The following CPNE7 variants were observed in gnomAD, a reference collection of about 807,000 sequenced individuals.
CPNE7 encodes the protein copine-7.
In CPNE7, 78 loss-of-function variants were observed where a neutral mutation model predicts 66.5. The ratio of observed to expected loss-of-function variants is 1.17; its 90% CI spans 0.98 to 1.42. CPNE7 has a LOEUF of 1.42. CPNE7 is among the 40% of genes most tolerant of loss of function. CPNE7 has a pLI of 0.00. For synonymous variants in CPNE7, 468 were observed against 336.7 expected (o/e 1.39, Z -4.27); for missense variants, 1,012 against 776.6 (o/e 1.30, Z -3.60).
chr16:89,592,975 G>C (rs547106852), intron 13 of CPNE7, among the ~76,000 whole-genome samples: 203 of 150,710 alleles, frequency 1.3e-3, no homozygotes, highest in African/African-American at 4.7e-3. Context: ...ACCATACCCG[G>C]CTAATTTTTA....
At chr16:89,577,796 A>G (rs542878705) in intron 2 of CPNE7, 75 bp downstream of exon 2, 1 of 1,472,386 alleles carries the variant, frequency 6.8e-7, no homozygotes, top group East Asian at 2.5e-5. Context: ...CTGATGTACC[A>G]GCACCGCAGG....
chr16:89,579,429 A>G (rs2058912360), intron 2 of CPNE7, among the ~76,000 whole-genome samples: 1 of 151,874 alleles, frequency 6.6e-6, no homozygotes, highest in Admixed American at 6.6e-5. Flanking sequence ...GTCACACAGA[A>G]CATCCCTTCA....
At position 89,595,746 on chromosome 16, in the gene CPNE7, C is replaced by G. The variant is rs541077164; in HGVS notation, c.1539+143C>G. On this transcript the variant is annotated intron_variant, in intron 14 of 14. Transcript: ENST00000319518. Reference sequence around the variant, plus strand: ...CTGGGGGATCCTGGGCTGTTCCCCCCAGTCAAGAGCAGTATCTGAAGCCAG... The same window carrying G: ...CTGGGGGATCCTGGGCTGTTCCCCCGAGTCAAGAGCAGTATCTGAAGCCAG... 5.1e-6 allele frequency: 4 copies of G among 778,038 alleles called. No individual in the cohort carries two copies. The Admixed American group carries it at 5.6e-5, about 11-fold the overall frequency. The allele number at this position is 778,038 out of a possible 1,614,324, so 48.2% of individuals were successfully genotyped here.
chr16:89,593,437 C>G (rs1270523320), intron 13 of CPNE7, among the ~76,000 whole-genome samples: 1 of 151,582 alleles, frequency 6.6e-6, no homozygotes, highest in Non-Finnish European at 1.5e-5. Context: ...ACTGCAAGCT[C>G]CGCCTCCCGG....
In CPNE7 at chr16:89,577,707, T is replaced by C. The variant is rs1187955166; in HGVS notation, c.343T>C (p.Cys115Arg). ...QEDDFLGGME[C>R]TLGQIVAQKK... ...GGACGATTTCCTGGGGGGCATGGAG[T>C]GCACCCTGGGGCAGGTGGGTGCCCC... is the stretch of plus-strand genomic sequence containing the variant. The change falls in exon 2 of 15, where the codon TGC becomes CGC. Residue 115 changes from cysteine to arginine, a missense_variant. Transcript: ENST00000319518. 15 of 1,595,930 alleles carry C rather than the reference T, an allele frequency of 9.4e-6. No individual in the cohort carries two copies. In the Admixed American group the frequency reaches 1.2e-4, roughly 13 times the overall value.
In CPNE7 at chr16:89,586,690, C is replaced by T. The variant is rs775963487; in HGVS notation, c.801C>T (p.Asn267=). The change falls in exon 8 of 15, where the codon AAC becomes AAT. Residue 267 remains asparagine, a synonymous_variant. Transcript: ENST00000319518. ...CCCAGGCCCAGTGGGACTGTGTGAA[C>T]CCCAAATACAAGCAGAAGAGACGCA... ...EEGQAQWDCV[N]PKYKQKRRSY... The T allele has an allele frequency of 6.2e-7, 1 of 1,612,646 alleles. No individual in the cohort carries two copies. Among genetic ancestry groups the T allele is most frequent in the Non-Finnish European group, 8.5e-7 (1 of 1,179,596 alleles).
At chr16:89,582,915 G>C (rs1177522926) in intron 2 of CPNE7, among the ~76,000 whole-genome samples, 1 of 152,248 alleles carries the variant, frequency 6.6e-6, no homozygotes, top group Non-Finnish European at 1.5e-5. Flanking sequence ...CGCTTGGCCG[G>C]GGTCATCACC....
At chr16:89,589,447 C>T (rs1334165502) in intron 10 of CPNE7, among the ~76,000 whole-genome samples, 1 of 152,178 alleles carries the variant, frequency 6.6e-6, no homozygotes. Flanking sequence ...TATGCTTTAC[C>T]AGGGAGGGCC....
intron 1 of CPNE7, among the ~76,000 whole-genome samples, chr16:89,577,185 C>T (rs559680036): frequency 1.3e-5 from 2 of 152,248 alleles, no homozygotes; most frequent in African/African-American, 4.8e-5. Context: ...CCCCCTGTAC[C>T]CTACGCCCCC....
intron 2 of CPNE7, among the ~76,000 whole-genome samples, chr16:89,582,964 C>T (rs1224656582): frequency 6.6e-6 from 1 of 152,234 alleles, no homozygotes; most frequent in Non-Finnish European, 1.5e-5. Context: ...GGCCGTGTGC[C>T]CCCGTCCTGC....
In CPNE7 at chr16:89,576,069, C is replaced by G; in HGVS notation, c.172C>G (p.Gln58Glu). The G allele has an allele frequency of 3.9e-6, 5 of 1,278,142 alleles. No homozygotes were observed. Among genetic ancestry groups the G allele is most frequent in the Non-Finnish European group, 4.9e-6 (5 of 1,011,984 alleles). 79.2% of individuals were successfully genotyped at this position (1,278,142 alleles called of 1,614,324 possible). Residue 58 changes from glutamine (Q) to glutamate (E), a missense_variant and splice_region_variant, in exon 1 of 15, where the codon CAG (glutamine) becomes GAG (glutamate). Transcript: ENST00000319518. ...LLQQAQGQWV[Q>E]VGRTEVVRSS... ...GCAGCAGGCGCAGGGCCAGTGGGTG[C>G]AGGTAGGGCCGGGGCGTGGGAGGCC...
chr16:89,589,747 G>A (rs564484252), intron 10 of CPNE7, 150 bp from the exon 11 acceptor site: 82 of 777,332 alleles, frequency 1.1e-4, no homozygotes, highest in Non-Finnish European at 1.4e-4. Context: ...CCTGAGCCTC[G>A]GTTCCCCACC....
chr16:89,579,615 C>T (rs34652781), intron 2 of CPNE7, among the ~76,000 whole-genome samples: 107,115 of 149,444 alleles, frequency 0.72, 39,401 homozygotes, highest in Middle Eastern at 0.88. Context: ...ACCCATCACA[C>T]GGAACATCCC....
Position 89,589,152 on chromosome 16 carries a change from C to T in CPNE7, c.1061+344C>T, listed in dbSNP as rs572158536. The stretch of plus-strand genomic sequence containing the variant: ...ACTGAAAATACAAAAATTAGCTGGG[C>T]GTGGTGGCAGATGCCTGTAATCCCA... On this transcript the variant is annotated intron_variant, in intron 10 of 14. Coordinates refer to ENST00000319518, the MANE Select transcript of CPNE7 (RefSeq NM_153636.3). Among the ~76,000 whole-genome samples, 9 of 152,276 alleles carry T rather than the reference C, an allele frequency of 5.9e-5. No individual in the cohort carries two copies. The East Asian group carries it at 7.7e-4, about 13-fold the overall frequency.
chr16:89,591,320 G>A (rs1301935988), intron 13 of CPNE7, 60 bp downstream of exon 13: 21 of 1,478,024 alleles, frequency 1.4e-5, no homozygotes, highest in African/African-American at 2.8e-5. Context: ...GTGCACCAGC[G>A]CGTGGACGTC....
In CPNE7 at chr16:89,589,884, G is replaced by A; in HGVS notation, c.1062-13G>A. Reference sequence around the variant, plus strand: ...GGTCAGGGCCTCCTGGTGACCTCCTGCCTCTCTTCCAGTGACAAGAGGTTT... The same window carrying A: ...GGTCAGGGCCTCCTGGTGACCTCCTACCTCTCTTCCAGTGACAAGAGGTTT... On this transcript the variant is annotated splice_polypyrimidine_tract_variant and intron_variant, in intron 10 of 14. Coordinates refer to ENST00000319518, the MANE Select transcript of CPNE7 (RefSeq NM_153636.3). The A allele has an allele frequency of 6.2e-7, 1 of 1,613,682 alleles. No individual in the cohort carries two copies.
rs761407667 is a variant in CPNE7 at position 89,583,764 on chromosome 16, C to T, written c.425C>T (p.Thr142Ile). ...TTTGGCAGGAACGCTGGCAAGTCCA[C>T]CATCACGGTGAGACCCGGGCGCACC... is the stretch of plus-strand genomic sequence containing the variant. ...LKFGRNAGKS[T>I]ITVIAEDISG... Residue 142 changes from threonine to isoleucine, a missense_variant, in exon 3 of 15, where the codon ACC becomes ATC. Thr to Ile is a moderately conservative substitution (Grantham distance 89, BLOSUM62 -1). Coordinates refer to ENST00000319518, the MANE Select transcript of CPNE7 (RefSeq NM_153636.3). The T allele has an allele frequency of 1.9e-6, 3 of 1,612,718 alleles. No homozygotes were observed. Among genetic ancestry groups the T allele is most frequent in the Non-Finnish European group, 2.5e-6 (3 of 1,179,918 alleles).
In CPNE7 at chr16:89,588,906, G is replaced by A. The variant is rs1385459887; in HGVS notation, c.1061+98G>A. On this transcript the variant is annotated intron_variant, in intron 10 of 14. Transcript: ENST00000319518. Reference sequence around the variant, plus strand: ...CCTCACCCCCCTGGTCTCCAGGTCAGCTATGACAGGTGCACCCGGCCGGTT... The same window carrying A: ...CCTCACCCCCCTGGTCTCCAGGTCAACTATGACAGGTGCACCCGGCCGGTT... The A allele has an allele frequency of 1.0e-4, 151 of 1,493,670 alleles. 4 individuals are homozygous for A. The South Asian group carries it at 1.7e-3, about 17-fold the overall frequency. The allele number at this position is 1,493,670 out of a possible 1,614,324, so 92.5% of individuals were successfully genotyped here.
intron 13 of CPNE7, among the ~76,000 whole-genome samples, chr16:89,594,839 A>T (rs1228381988): frequency 1.3e-5 from 2 of 151,462 alleles, no homozygotes; most frequent in African/African-American, 4.9e-5. Flanking sequence ...TTTAGTAGAG[A>T]TGGGGTTTCA....
Sources: gnomAD v4.1 joint callset for allele counts (sites outside exome capture counted in the v4.1 genomes callset) on GRCh38, gnomAD v4.1.1 for gene constraint, MANE v1.5 for transcripts, NCBI Gene and HGNC (gene_info 2026-07-23, HGNC 2026-07-21) for gene names.